Variants in DACH2 observed in about 807,000 individuals in gnomAD.
The protein encoded by DACH2 is dachshund homolog 2.
In DACH2, 17 loss-of-function variants were observed where a neutral mutation model predicts 35.8. The ratio of observed to expected loss-of-function variants is 0.48; its 90% CI spans 0.33 to 0.71. The LOEUF is 0.71. Ranked by LOEUF, DACH2 falls within the 30% of genes least tolerant of loss-of-function variation. The pLI is 0.02. For synonymous variants in DACH2, 195 were observed against 177.3 expected (o/e 1.10, Z -0.79); for missense variants, 469 against 472.7 (o/e 0.99, Z 0.07).
Position 86,571,670 on chromosome X carries a change from T to G in DACH2, c.640+57279T>G, listed in dbSNP as rs1461575640. On this transcript the variant is annotated intron_variant, in intron 3 of 11. Transcript: ENST00000373125. ...CATCAGGACCCCACTGTGATGATTA[T>G]TGTAGCTTGTAAGTCTTGAAATCGG... 4.6e-5 allele frequency among the ~76,000 whole-genome samples: 5 copies of G among 108,361 alleles called. No individual in the cohort carries two copies. The Admixed American group carries it at 5.0e-4, about 11-fold the overall frequency. The allele number at this position is 108,361 out of a possible 115,157, so 94.1% of individuals were successfully genotyped here.
At chrX:86,422,651 G>C (rs984147712) in intron 2 of DACH2, among the ~76,000 whole-genome samples, 4 of 111,140 alleles carry the variant, frequency 3.6e-5, no homozygotes, top group Admixed American at 9.6e-5. Flanking sequence ...ATTCTCTCAA[G>C]CATTTACCAT....
intron 7 of DACH2, among the ~76,000 whole-genome samples, chrX:86,752,505 A>G (rs1312279131): frequency 3.6e-5 from 4 of 112,004 alleles, no homozygotes; most frequent in African/African-American, 1.3e-4. Flanking sequence ...ACACATAGTT[A>G]TTCTATGATT....
intron 1 of DACH2, among the ~76,000 whole-genome samples, chrX:86,345,592 G>A (rs1230644020): frequency 8.9e-6 from 1 of 111,889 alleles, no homozygotes; most frequent in Non-Finnish European, 1.9e-5. Flanking sequence ...CTTTCCTAGA[G>A]GCGAAAGCAA....
chrX:86,401,511 A>G (rs1178240147), intron 2 of DACH2, among the ~76,000 whole-genome samples: 1 of 111,890 alleles, frequency 8.9e-6, no homozygotes, highest in Non-Finnish European at 1.9e-5. Flanking sequence ...CTATTTGGCC[A>G]TCTTGGCTCC....
In DACH2 at chrX:86,609,147, T is replaced by A. The variant is rs968153944; in HGVS notation, c.641-41889T>A. Among the ~76,000 whole-genome samples, 5 of 111,872 alleles carry A rather than the reference T, an allele frequency of 4.5e-5. No individual in the cohort carries two copies. The Admixed American group carries it at 4.8e-4, about 11-fold the overall frequency. On this transcript the variant is annotated intron_variant, in intron 3 of 11. Transcript: ENST00000373125. ...GGCTATTTTATAGATCCTATAAGCA[T>A]GTTTCATTTTGTAAACTATTTTTTT...
intron 1 of DACH2, among the ~76,000 whole-genome samples, chrX:86,222,211 A>G (rs900958156): frequency 1.8e-5 from 2 of 112,212 alleles, no homozygotes; most frequent in African/African-American, 6.5e-5. Flanking sequence ...ATTAAATTGG[A>G]TTAAAATATG....
intron 3 of DACH2, among the ~76,000 whole-genome samples, chrX:86,626,644 G>C (rs1046359142): frequency 8.8e-6 from 1 of 113,168 alleles, no homozygotes; most frequent in African/African-American, 3.2e-5. Context: ...CTGAAATCTA[G>C]GTGGAGGTTC....
At position 86,732,039 on chromosome X, in the gene DACH2, A is replaced by G. The variant is rs1237133773; in HGVS notation, c.1105-7708A>G. On this transcript the variant is annotated intron_variant, in intron 6 of 11. Transcript: ENST00000373125. ...GAATTAGTCACATTTCAAGTGCTCA[A>G]TAGTCACATGTTATTTGTGGCTACT... is the stretch of plus-strand genomic sequence containing the variant. 4.5e-5 allele frequency among the ~76,000 whole-genome samples: 5 copies of G among 112,310 alleles called. No homozygotes were observed. The East Asian group carries it at 1.4e-3, about 31-fold the overall frequency.
intron 2 of DACH2, among the ~76,000 whole-genome samples, chrX:86,456,840 G>A (rs1234211462): frequency 9.0e-6 from 1 of 110,513 alleles, no homozygotes; most frequent in Non-Finnish European, 1.9e-5. Context: ...TTTTGAAGGA[G>A]AAATTGATAG....
At chrX:86,725,271 A>G (rs1251011351) in intron 6 of DACH2, among the ~76,000 whole-genome samples, 1 of 111,114 alleles carries the variant, frequency 9.0e-6, no homozygotes, top group Non-Finnish European at 1.9e-5. Context: ...TTCCTGGTGT[A>G]ACAGTAGCTT....
intron 1 of DACH2, among the ~76,000 whole-genome samples, chrX:86,149,914 A>G (rs878944301): frequency 1.8e-5 from 2 of 111,823 alleles, no homozygotes; most frequent in Non-Finnish European, 3.8e-5. Context: ...GCAGATTTCT[A>G]GAGAGGATGC....
At chrX:86,698,552 G>A (rs1399444407) in intron 5 of DACH2, among the ~76,000 whole-genome samples, 2 of 9,450 alleles carry the variant, frequency 2.1e-4, no homozygotes, top group African/African-American at 7.1e-4. Flanking sequence ...TTTTTTTACA[G>A]GGTCTCACTC....
chrX:86,685,491 C>G (rs1240151025), intron 4 of DACH2, among the ~76,000 whole-genome samples: 1 of 111,938 alleles, frequency 8.9e-6, no homozygotes, highest in African/African-American at 3.2e-5. Context: ...TGCATAACCT[C>G]ATTTTAAGTA....
At chrX:86,303,092 C>T (rs1181292314) in intron 1 of DACH2, among the ~76,000 whole-genome samples, 2 of 102,577 alleles carry the variant, frequency 1.9e-5, no homozygotes, top group Non-Finnish European at 3.9e-5. Flanking sequence ...GGGATTCAAA[C>T]GCAGACATTG....
intron 3 of DACH2, among the ~76,000 whole-genome samples, chrX:86,535,447 A>G (rs1364136935): frequency 1.8e-5 from 2 of 111,656 alleles, no homozygotes; most frequent in South Asian, 7.4e-4. Flanking sequence ...CTGAAAAACT[A>G]TTTCAGGCCA....
At chrX:86,699,747 G>T (rs913563021) in intron 5 of DACH2, among the ~76,000 whole-genome samples, 7 of 111,625 alleles carry the variant, frequency 6.3e-5, no homozygotes, top group Non-Finnish European at 9.4e-5. Flanking sequence ...TGACATGTTT[G>T]GGGTTGGTTT....
Position 86,682,092 on chromosome X carries a change from T to C in DACH2, c.773-12929T>C, listed in dbSNP as rs1198947447. ...AGTAGCTTTCCTATGCCACTTGGAATTGAGGGATTTTCTCTGAAGGCCTTC... is the reference window on the plus strand; with the variant it reads ...AGTAGCTTTCCTATGCCACTTGGAACTGAGGGATTTTCTCTGAAGGCCTTC... On this transcript the variant is annotated intron_variant, in intron 4 of 11. Coordinates refer to ENST00000373125, the MANE Select transcript of DACH2 (RefSeq NM_053281.3). Among the ~76,000 whole-genome samples the C allele has an allele frequency of 7.2e-5, 8 of 111,473 alleles. No individual in the cohort carries two copies. The East Asian group carries it at 2.3e-3, about 32-fold the overall frequency.
chrX:86,777,235 C>T (rs1437879668), intron 7 of DACH2, among the ~76,000 whole-genome samples: 1 of 110,662 alleles, frequency 9.0e-6, no homozygotes, highest in Non-Finnish European at 1.9e-5. Context: ...TTCTCACATC[C>T]TCTCCAGCAC....
intron 2 of DACH2, among the ~76,000 whole-genome samples, chrX:86,454,180 C>A (rs1215962896): frequency 3.6e-5 from 4 of 111,330 alleles, no homozygotes; most frequent in Non-Finnish European, 7.5e-5. Context: ...TTTAGGTGAC[C>A]TGAACTTTCT....
Sources: gnomAD v4.1 joint callset for allele counts (sites outside exome capture counted in the v4.1 genomes callset) on GRCh38, gnomAD v4.1.1 for gene constraint, MANE v1.5 for transcripts, NCBI Gene and HGNC (gene_info 2026-07-23, HGNC 2026-07-21) for gene names.